Variants in NRROS observed in about 807,000 individuals in gnomAD.
NRROS encodes transforming growth factor beta activator LRRC33.
Under a neutral mutation model 12.0 loss-of-function variants are expected in NRROS, and 6 were observed. The ratio of observed to expected loss-of-function variants is 0.50; its 90% CI spans 0.27 to 0.98. NRROS has a LOEUF of 0.98. Among genes scored for constraint, NRROS ranks in the 50% least tolerant of loss-of-function variants. NRROS has a pLI of 0.11. For missense variants in NRROS, 857 were observed against 888.2 expected (o/e 0.96, Z 0.45); for synonymous variants, 462 against 410.2 (o/e 1.13, Z -1.53).
At chr3:196,655,863 C>G (rs1737529134) in intron 2 of NRROS, among the ~76,000 whole-genome samples, 1 of 152,158 alleles carries the variant, frequency 6.6e-6, no homozygotes, top group African/African-American at 2.4e-5. Context: ...ACAATGATAT[C>G]AAAAGTCTGC....
chr3:196,659,832 C>T lies in NRROS; in HGVS notation c.189C>T (p.Thr63=), dbSNP rs1737623126. The part of the protein sequence containing the change: ...SSLPPHARML[T]LDANPLKTLW... ...TCCCGCCCCACGCCCGGATGCTCAC[C>T]CTGGATGCCAACCCTCTCAAGACCC... The change falls in exon 3 of 3, where the codon ACC becomes ACT. Residue 63 remains threonine (T), a synonymous_variant. Transcript: ENST00000328557. 1.2e-6 allele frequency: 2 copies of T among 1,614,058 alleles called. No individual in the cohort carries two copies. Among genetic ancestry groups the T allele is most frequent in the Non-Finnish European group, 8.5e-7 (1 of 1,179,970 alleles).
intron 2 of NRROS, among the ~76,000 whole-genome samples, chr3:196,658,737 C>T (rs1737588832): frequency 6.6e-6 from 1 of 152,194 alleles, no homozygotes; most frequent in Non-Finnish European, 1.5e-5. Context: ...GAGGCCGAGG[C>T]AGGCAGATCA....
At position 196,654,519 on chromosome 3, in the gene NRROS, G is replaced by C. The variant is rs1357303027; in HGVS notation, c.-13-8G>C. The C allele has an allele frequency of 1.9e-6, 3 of 1,538,738 alleles. No homozygotes were observed. Among genetic ancestry groups the C allele is most frequent in the Admixed American group, 1.7e-5 (1 of 59,920 alleles). Reference sequence around the variant, plus strand: ...CTGACTTACCTCTTCCCTGCTCTCTGTCCACAGGGCTGCCCTTGAGATGGA... The same window carrying C: ...CTGACTTACCTCTTCCCTGCTCTCTCTCCACAGGGCTGCCCTTGAGATGGA... On this transcript the variant is annotated splice_polypyrimidine_tract_variant and splice_region_variant and intron_variant, in intron 1 of 2. Transcript: ENST00000328557. The surrounding 1 kb of genome is among the most constrained non-coding windows in gnomAD (Gnocchi z 4.4).
chr3:196,647,157 T>G (rs1439708597), intron 1 of NRROS, among the ~76,000 whole-genome samples: 1 of 152,190 alleles, frequency 6.6e-6, no homozygotes, highest in Non-Finnish European at 1.5e-5. Flanking sequence ...CAATGAATAT[T>G]TCTTTTAAAA....
intron 1 of NRROS, among the ~76,000 whole-genome samples, chr3:196,646,440 T>C (rs1737313162): frequency 6.6e-6 from 1 of 152,228 alleles, no homozygotes; most frequent in African/African-American, 2.4e-5. Context: ...ACCACCAGCA[T>C]GCAAGGGCGA....
At chr3:196,653,877 C>T (rs35311981) in intron 1 of NRROS, among the ~76,000 whole-genome samples, 1 of 152,132 alleles carries the variant, frequency 6.6e-6, no homozygotes, top group Non-Finnish European at 1.5e-5. Flanking sequence ...GGCTGGCAAC[C>T]ACGTTTCGTT....
chr3:196,655,514 G>A (rs1387975625), intron 2 of NRROS, among the ~76,000 whole-genome samples: 1 of 152,072 alleles, frequency 6.6e-6, no homozygotes, highest in South Asian at 2.1e-4. Flanking sequence ...CATCCTGGGC[G>A]ACAGAGTGAG....
In NRROS at chr3:196,661,524, C is replaced by T. The variant is rs1414350090; in HGVS notation, c.1881C>T (p.Ile627=). 6.2e-7 allele frequency: 1 copy of T among 1,613,636 alleles called. No homozygotes were observed. The highest frequency in any genetic ancestry group is 1.1e-5 in the South Asian group (1 of 91,060). Residue 627 remains isoleucine, a synonymous_variant, in exon 3 of 3, where the codon ATC becomes ATT. Transcript: ENST00000328557. ...TCACCTGCAACCTCTCCTCCAAGAT[C>T]ATCCGCGTGACGGAGCTGCCCGGAG... The part of the protein sequence containing the change: ...AMVTCNLSSK[I]IRVTELPGGV...
At chr3:196,643,373 G>C (rs917818515) in intron 1 of NRROS, among the ~76,000 whole-genome samples, 1 of 152,174 alleles carries the variant, frequency 6.6e-6, no homozygotes. Context: ...CCTCACCCAC[G>C]AGGTGGGCGC....
chr3:196,639,791 C>G lies in NRROS; in HGVS notation c.-98C>G, dbSNP rs575918993. The G allele has an allele frequency of 6.6e-6, 1 of 152,566 alleles. No individual in the cohort carries two copies. The highest frequency in any genetic ancestry group is 2.4e-5 in the African/African-American group (1 of 41,582). The allele number at this position is 152,566 out of a possible 1,614,324, so 9.5% of individuals were successfully genotyped here. On this transcript the variant is annotated 5_prime_UTR_variant, in exon 1 of 3. Coordinates refer to ENST00000328557, the MANE Select transcript of NRROS (RefSeq NM_198565.3). Reference sequence around the variant, plus strand: ...TGATGCCCCACAGCAAGGAGGTAGCCCAGCCCCGCGTTCGGCTGCTCTCGA... The same window carrying G: ...TGATGCCCCACAGCAAGGAGGTAGCGCAGCCCCGCGTTCGGCTGCTCTCGA...
rs1737641135 is a variant in NRROS, at chr3:196,660,339, C to T, written c.696C>T (p.Asn232=). The change falls in exon 3 of 3, where the codon AAC becomes AAT. Residue 232 remains asparagine, a synonymous_variant. Transcript: ENST00000328557. This position sits in a 1 kb window ranked among gnomAD's most constrained non-coding sequence, Gnocchi z 7.7. ...DFGLTRLRVL[N]VSYNVLEWFL... is the part of the protein sequence containing the mutation. Reference sequence around the variant, plus strand: ...GGCTCACGCGGCTGCGGGTCCTCAACGTCAGCTACAACGTCCTGGAGTGGT... The same window carrying T: ...GGCTCACGCGGCTGCGGGTCCTCAATGTCAGCTACAACGTCCTGGAGTGGT... The T allele has an allele frequency of 1.9e-6, 3 of 1,614,070 alleles. No homozygotes were observed. Among genetic ancestry groups the T allele is most frequent in the African/African-American group, 1.3e-5 (1 of 75,056 alleles).
At position 196,654,155 on chromosome 3, in the gene NRROS, C is replaced by T. The variant is rs1353994735; in HGVS notation, c.-13-372C>T. 2.0e-5 allele frequency among the ~76,000 whole-genome samples: 3 copies of T among 152,056 alleles called. No individual in the cohort carries two copies. Among genetic ancestry groups the T allele is most frequent in the Non-Finnish European group, 4.4e-5 (3 of 68,018 alleles). The stretch of plus-strand genomic sequence containing the variant: ...ACTGAGCTCAGGGGATGCATCAGAC[C>T]GATTGGAGCTGGAGGCAGGAAAACT... On this transcript the variant is annotated intron_variant, in intron 1 of 2. Transcript: ENST00000328557. This position sits in a 1 kb window ranked among gnomAD's most constrained non-coding sequence, Gnocchi z 4.4.
At chr3:196,653,104 C>A (rs1326521746) in intron 1 of NRROS, among the ~76,000 whole-genome samples, 1 of 152,144 alleles carries the variant, frequency 6.6e-6, no homozygotes, top group African/African-American at 2.4e-5. Flanking sequence ...GGTCAGGAAC[C>A]CGTACACCTC....
Position 196,660,496 on chromosome 3 carries a change from G to A in NRROS, c.853G>A (p.Gly285Ser), listed in dbSNP as rs1258584950. Reference sequence around the variant, plus strand: ...CCTCCTGCTGCGCGACAACAACATGGGCTTCTACCGGGACCTGTACAACAC... The same window carrying A: ...CCTCCTGCTGCGCGACAACAACATGAGCTTCTACCGGGACCTGTACAACAC... ...RTLLLRDNNM[G>S]FYRDLYNTSS... Residue 285 changes from glycine to serine, a missense_variant, in exon 3 of 3, where the codon GGC becomes AGC. Coordinates refer to ENST00000328557, the MANE Select transcript of NRROS (RefSeq NM_198565.3). This position sits in a 1 kb window ranked among gnomAD's most constrained non-coding sequence, Gnocchi z 7.7. 6.2e-7 allele frequency: 1 copy of A among 1,614,032 alleles called. No individual in the cohort carries two copies. Among genetic ancestry groups the A allele is most frequent in the Non-Finnish European group, 8.5e-7 (1 of 1,180,026 alleles).
Position 196,660,359 on chromosome 3 carries a change from A to G in NRROS, c.716A>G (p.Glu239Gly), listed in dbSNP as rs1393433962. 1 of 1,614,020 alleles carries G rather than the reference A, an allele frequency of 6.2e-7. No individual in the cohort carries two copies. Residue 239 changes from glutamate (E) to glycine (G), a missense_variant, in exon 3 of 3, where the codon GAG (glutamate) becomes GGG (glycine). By Grantham distance (98) the Glu-to-Gly change is moderately conservative. Coordinates refer to ENST00000328557, the MANE Select transcript of NRROS (RefSeq NM_198565.3). This position sits in a 1 kb window ranked among gnomAD's most constrained non-coding sequence, Gnocchi z 7.7. ...CTCAACGTCAGCTACAACGTCCTGG[A>G]GTGGTTCCTCGCGACCGGGGGAGAG... ...RVLNVSYNVLEWFLATGGEAA... is the reference protein window; with the variant it reads ...RVLNVSYNVLGWFLATGGEAA...
chr3:196,645,878 T>C (rs1191216411), intron 1 of NRROS, among the ~76,000 whole-genome samples: 3 of 152,074 alleles, frequency 2.0e-5, no homozygotes, highest in Non-Finnish European at 4.4e-5. Context: ...GGACGAAAGC[T>C]CCTTCTCCTT....
intron 2 of NRROS, among the ~76,000 whole-genome samples, chr3:196,659,290 C>G (rs1050778298): frequency 1.4e-5 from 2 of 141,964 alleles, no homozygotes; most frequent in African/African-American, 5.2e-5. Flanking sequence ...TGAAAGCTCT[C>G]AAGTCCTTTT....
At position 196,661,084 on chromosome 3, in the gene NRROS, C is replaced by T. The variant is rs1238093697; in HGVS notation, c.1441C>T (p.Pro481Ser). The T allele has an allele frequency of 6.2e-7, 1 of 1,614,030 alleles. No individual in the cohort carries two copies. Among genetic ancestry groups the T allele is most frequent in the African/African-American group, 1.3e-5 (1 of 74,918 alleles). The change falls in exon 3 of 3, where the codon CCA becomes TCA. Residue 481 changes from proline (P) to serine (S), a missense_variant. Pro to Ser is a moderately conservative substitution (Grantham distance 74). Coordinates refer to ENST00000328557, the MANE Select transcript of NRROS (RefSeq NM_198565.3). ...GCGLGALPDC[P>S]FQGTSLTYLD... is the part of the protein sequence containing the mutation. ...TGGCCTGGGGGCATTGCCAGACTGCCCATTCCAAGGGACCTCCCTGACCTA... is the reference window on the plus strand; with the variant it reads ...TGGCCTGGGGGCATTGCCAGACTGCTCATTCCAAGGGACCTCCCTGACCTA...
rs569041825 is a variant in NRROS, at chr3:196,650,460, T to TA, written c.-13-4066dup. On this transcript the variant is annotated intron_variant, in intron 1 of 2. Transcript: ENST00000328557. ...CGCCCGGCCATTTTTGTATTTTTTT[T>TA]AGAGAGGCAGGGTTTTGCCACCTTG... is the stretch of plus-strand genomic sequence containing the variant. Among the ~76,000 whole-genome samples the TA allele has an allele frequency of 3.7e-3, 566 of 152,128 alleles. 2 individuals are homozygous for TA. The highest frequency in any genetic ancestry group is 0.013 in the African/African-American group (538 of 41,518).
Sources: gnomAD v4.1 joint callset for allele counts (sites outside exome capture counted in the v4.1 genomes callset) on GRCh38, gnomAD v4.1.1 for gene constraint, Gnocchi (gnomAD v3.1) non-coding constraint, MANE v1.5 for transcripts, NCBI Gene and HGNC (gene_info 2026-07-23, HGNC 2026-07-21) for gene names.